The following ILKAP variants were observed in gnomAD, a reference collection of about 807,000 sequenced individuals.
The protein encoded by ILKAP is integrin-linked kinase-associated serine/threonine phosphatase 2C.
ILKAP carries 11 observed loss-of-function variants against 49.1 expected under a neutral mutation model. That is an observed-to-expected ratio of 0.22 (90% CI 0.14 to 0.37). ILKAP has a LOEUF of 0.37. Among genes scored for constraint, ILKAP ranks in the 10% least tolerant of loss-of-function variants. ILKAP has a pLI of 1.00. For synonymous variants in ILKAP, 186 were observed against 192.8 expected (o/e 0.96, Z 0.29); for missense variants, 363 against 510.8 (o/e 0.71, Z 2.79).
chr2:238,191,664 T>C (rs1421339056), intron 3 of ILKAP, among the ~76,000 whole-genome samples: 1 of 152,048 alleles, frequency 6.6e-6, no homozygotes, highest in East Asian at 1.9e-4. Flanking sequence ...TCCCAGCACT[T>C]TGGGAGGCTG....
At chr2:238,173,433 T>C in intron 10 of ILKAP, 101 bp downstream of exon 10, 4 of 1,485,550 alleles carry the variant, frequency 2.7e-6, no homozygotes, top group East Asian at 2.3e-5. Context: ...CCTAGCACCA[T>C]GCACACCTTC....
At chr2:238,200,994 TA>T (rs1694545695) in intron 1 of ILKAP, among the ~76,000 whole-genome samples, 1 of 152,252 alleles carries the variant, frequency 6.6e-6, no homozygotes, top group Non-Finnish European at 1.5e-5. Context: ...AGCTGGATTC[TA>T]AACCAAGTAG....
chr2:238,200,114 A>G (rs554787908), intron 1 of ILKAP, among the ~76,000 whole-genome samples: 4 of 152,258 alleles, frequency 2.6e-5, no homozygotes, highest in Non-Finnish European at 5.9e-5. Context: ...GATTGTCAAT[A>G]TAAGCTGCCA....
Position 238,192,707 on chromosome 2 carries a change from G to GAA in ILKAP, c.178+1566_178+1567dup, listed in dbSNP as rs61294022. Among the ~76,000 whole-genome samples the GAA allele has an allele frequency of 5.7e-3, 797 of 139,442 alleles. 9 individuals carry two copies. Among genetic ancestry groups the GAA allele is most frequent in the African/African-American group, 0.012 (454 of 37,444 alleles). 91.5% of individuals were successfully genotyped at this position (139,442 alleles called of 152,430 possible). A position where few individuals can be genotyped will look rare whatever the true frequency, so the allele number is the denominator to read the frequency against. On this transcript the variant is annotated intron_variant, in intron 3 of 11. Transcript: ENST00000254654. ...AGAGAGAGAGACAGTCTCAAAAAAG[G>GAA]AAAAAAAAAAAAAGAATGTGTTATC...
In ILKAP at chr2:238,182,142, G is replaced by GGCT. The variant is rs1161173697; in HGVS notation, c.756_758dup (p.Ala253dup). Reference sequence around the variant, plus strand: ...GATTATGCTCTTTGCTGAGGCTTAAGGCTGCATGTTTTTGACTCTCCTCAT... The same window carrying GGCT: ...GATTATGCTCTTTGCTGAGGCTTAAGGCTGCTGCATGTTTTTGACTCTCCTCAT... On this transcript the variant is annotated inframe_insertion, in exon 9 of 12. Coordinates refer to ENST00000254654, the MANE Select transcript of ILKAP (RefSeq NM_030768.3). The GGCT allele has an allele frequency of 6.2e-7, 1 of 1,613,918 alleles. No individual in the cohort carries two copies. The highest frequency in any genetic ancestry group is 8.5e-7 in the Non-Finnish European group (1 of 1,179,840).
rs1471711007 is a variant in ILKAP at position 238,183,936 on chromosome 2, G to GT, written c.626+83dup. 7 of 1,035,890 alleles carry GT rather than the reference G, an allele frequency of 6.8e-6. No individual in the cohort carries two copies. The Admixed American group carries it at 1.2e-4, about 18-fold the overall frequency. The allele number at this position is 1,035,890 out of a possible 1,614,324, so 64.2% of individuals were successfully genotyped here. A position where few individuals can be genotyped will look rare whatever the true frequency, so the allele number is the denominator to read the frequency against. ...CACTTTTCAGACAGTGAGCAATAGT[G>GT]TTAAACCACATCAGAAGACTGAAAT... On this transcript the variant is annotated intron_variant, in intron 7 of 11. Transcript: ENST00000254654.
intron 1 of ILKAP, among the ~76,000 whole-genome samples, chr2:238,202,818 C>T: frequency 6.6e-6 from 1 of 150,786 alleles, no homozygotes. Flanking sequence ...CTCCCACTGG[C>T]AGGGGCCAGC....
chr2:238,183,474 T>C (rs187532475), intron 8 of ILKAP, among the ~76,000 whole-genome samples, 179 bp downstream of exon 8: 1 of 152,318 alleles, frequency 6.6e-6, no homozygotes, highest in East Asian at 1.9e-4. Flanking sequence ...AAACAGCCTC[T>C]AGCTGAGTTG....
rs1045385720 is a variant in ILKAP, at chr2:238,170,666, A to T, written c.1049T>A (p.Ile350Asn). 1 of 1,596,132 alleles carries T rather than the reference A, an allele frequency of 6.3e-7. No individual in the cohort carries two copies. Among genetic ancestry groups the T allele is most frequent in the Non-Finnish European group, 8.6e-7 (1 of 1,166,238 alleles). The change falls in exon 12 of 12, where the codon ATC (isoleucine) becomes AAC (asparagine). Residue 350 changes from isoleucine (I) to asparagine (N), a missense_variant. Physicochemically the swap from Ile to Asn is moderately radical, Grantham distance 149. Transcript: ENST00000254654. Reference protein sequence around the residue: ...FILSCLEDEKIQTREGKSAAD... With the variant: ...FILSCLEDEKNQTREGKSAAD... ...TGCGGACTTCCCTTCCCGGGTCTGG[A>T]TCTTTTCATCCTACCAGATGAGAAA...
chr2:238,189,763 A>G, intron 4 of ILKAP, 90 bp downstream of exon 4: 2 of 1,220,680 alleles, frequency 1.6e-6, no homozygotes, highest in African/African-American at 1.5e-5. Context: ...ACATAAAAAG[A>G]AAGTATTATT....
chr2:238,203,454 G>T, intron 1 of ILKAP, 45 bp downstream of exon 1: 2 of 1,167,934 alleles, frequency 1.7e-6, no homozygotes, highest in South Asian at 2.2e-5. Flanking sequence ...CCCCCATCCC[G>T]CCTGCTCTCC....
intron 5 of ILKAP, 152 bp downstream of exon 5, chr2:238,187,979 G>A (rs1048385258): frequency 1.0e-5 from 9 of 884,340 alleles, no homozygotes; most frequent in African/African-American, 5.1e-5. Context: ...TCCCCTGGGC[G>A]GGGAGCAAAA....
chr2:238,193,216 C>T (rs1279780266), intron 3 of ILKAP, among the ~76,000 whole-genome samples: 1 of 152,078 alleles, frequency 6.6e-6, no homozygotes, highest in Non-Finnish European at 1.5e-5. Flanking sequence ...CTTCTTTGAA[C>T]ATATTAACTT....
chr2:238,170,884 C>T, intron 11 of ILKAP, 59 bp downstream of exon 11: 1 of 1,535,358 alleles, frequency 6.5e-7, no homozygotes, highest in Non-Finnish European at 9.0e-7. Flanking sequence ...AGAACTTCTA[C>T]TTCTCTGAAA....
At chr2:238,201,181 GTT>G (rs34064353) in intron 1 of ILKAP, among the ~76,000 whole-genome samples, 42,145 of 150,966 alleles carry the variant, frequency 0.28, 6,261 homozygotes, top group South Asian at 0.37. Context: ...TTCAAAGTAT[GTT>G]TTTTTTTTTT....
At chr2:238,196,145 G>A (rs1268346824) in intron 1 of ILKAP, among the ~76,000 whole-genome samples, 8 of 139,222 alleles carry the variant, frequency 5.7e-5, no homozygotes, top group Middle Eastern at 4.5e-3. Flanking sequence ...CCAGGCTGGA[G>A]TGCAGTAATG....
intron 10 of ILKAP, among the ~76,000 whole-genome samples, chr2:238,171,656 A>G (rs1201560291): frequency 1.3e-5 from 2 of 152,228 alleles, no homozygotes; most frequent in African/African-American, 4.8e-5. Flanking sequence ...GAATAAAAAC[A>G]TGGGTGTTAT....
intron 1 of ILKAP, among the ~76,000 whole-genome samples, chr2:238,196,703 A>C (rs1694359712): frequency 6.6e-6 from 1 of 152,250 alleles, no homozygotes; most frequent in East Asian, 1.9e-4. Flanking sequence ...TCTTTGCGTC[A>C]GAAGTACCTA....
intron 5 of ILKAP, 151 bp downstream of exon 5, chr2:238,187,980 G>C: frequency 4.4e-6 from 4 of 900,544 alleles, no homozygotes; most frequent in African/African-American, 1.7e-5. Context: ...CCCCTGGGCG[G>C]GGAGCAAAAT....
Sources: allele counts gnomAD v4.1 joint callset (sites outside exome capture counted in the v4.1 genomes callset), GRCh38; gene constraint gnomAD v4.1.1; transcripts MANE v1.5; gene names NCBI Gene and HGNC (gene_info 2026-07-23, HGNC 2026-07-21).